HIPK3: variants seen among roughly 807,000 people sequenced by gnomAD.
HIPK3 encodes the protein homeodomain interacting protein kinase 3, also known as homeodomain-interacting protein kinase 3.
A neutral mutation model predicts 124.2 loss-of-function variants in HIPK3; 47 were observed. That is an observed-to-expected ratio of 0.38 (90% confidence interval 0.30 to 0.48). The LOEUF is 0.48. HIPK3 is among the 20% of genes least tolerant of loss of function. The pLI is 0.98. For synonymous variants in HIPK3, 482 were observed against 515.2 expected (o/e 0.94, Z 0.87); for missense variants, 1,286 against 1,454.3 (o/e 0.88, Z 1.88).
At position 33,354,194 on chromosome 11, in the gene HIPK3, C is replaced by G. The variant is rs1853753871; in HGVS notation, c.*626C>G. ...GGACTGCAGCACTTAAAATTCAGAC[C>G]TACTATTTAGTTTCCTTTTGATAGC... On this transcript the variant is annotated 3_prime_UTR_variant, in exon 17 of 17. Transcript: ENST00000303296. The G allele has an allele frequency of 6.6e-6, 1 of 152,616 alleles. No individual in the cohort carries two copies. The highest frequency in any genetic ancestry group is 1.5e-5 in the Non-Finnish European group (1 of 68,040). 9.5% of individuals were successfully genotyped at this position (152,616 alleles called of 1,614,324 possible).
chr11:33,281,058 CTTTTTTTTTTTT>C (rs56902582), intron 1 of HIPK3, among the ~76,000 whole-genome samples: 45,166 of 112,870 alleles, frequency 0.4, 8,647 homozygotes, highest in African/African-American at 0.48. Context: ...ACTTATTTGA[CTTTTTTTTTTTT>C]TTTTTTTTTT....
At chr11:33,345,381 A>G (rs944466708) in intron 8 of HIPK3, among the ~76,000 whole-genome samples, 11 of 152,146 alleles carry the variant, frequency 7.2e-5, no homozygotes, top group African/African-American at 2.7e-4. Flanking sequence ...TCTTCCAAGT[A>G]TTAAAGCAAA....
intron 1 of HIPK3, among the ~76,000 whole-genome samples, chr11:33,272,989 C>T (rs553260259): frequency 2.0e-5 from 3 of 151,016 alleles, no homozygotes; most frequent in Non-Finnish European, 4.4e-5. Context: ...TGTGTGTCAC[C>T]GTGCCTGGCT....
Position 33,348,569 on chromosome 11 carries a change from C to A in HIPK3, c.2417C>A (p.Ser806Tyr), listed in dbSNP as rs1267903048. 9 of 1,612,924 alleles carry A rather than the reference C, an allele frequency of 5.6e-6. No individual in the cohort carries two copies. Among genetic ancestry groups the A allele is most frequent in the Admixed American group, 1.7e-5 (1 of 59,980 alleles). ...AATATCCCACATTCAGCATTTATTT[C>A]TCCAAAGATAATTAATGGGAAAGAT... ...NTNIPHSAFI[S>Y]PKIINGKDVE... Residue 806 changes from serine to tyrosine, a missense_variant, in exon 13 of 17, where the codon TCT becomes TAT. Around this residue, in one of 3 missense-constraint regions of HIPK3, gnomAD observed 810 missense variants for 864.9 expected, o/e 0.94. Coordinates refer to ENST00000303296, the MANE Select transcript of HIPK3 (RefSeq NM_005734.5).
chr11:33,297,522 C>T (rs1195352099), intron 2 of HIPK3, among the ~76,000 whole-genome samples: 3 of 152,138 alleles, frequency 2.0e-5, no homozygotes, highest in Non-Finnish European at 4.4e-5. Flanking sequence ...GAGGAAGCTG[C>T]AGAAGAAAAG....
chr11:33,313,330 A>G (rs1852402961), intron 2 of HIPK3, among the ~76,000 whole-genome samples: 1 of 152,190 alleles, frequency 6.6e-6, no homozygotes, highest in Non-Finnish European at 1.5e-5. Context: ...TTGTTGTGAC[A>G]TTATTGGGAC....
In HIPK3 at chr11:33,348,524, G is replaced by A. The variant is rs1458659568; in HGVS notation, c.2372G>A (p.Ser791Asn). ...GREEINAFSW[S>N]NSLQNTNIPH... ...ATAAATTATTCCTTTGGTTGCAGGA[G>A]TAATTCATTACAGAATACCAATATC... The change falls in exon 13 of 17, where the codon AGT (serine) becomes AAT (asparagine). Residue 791 changes from serine to asparagine, a missense_variant and splice_region_variant. Around this residue, in one of 3 missense-constraint regions of HIPK3, gnomAD observed 810 missense variants for 864.9 expected, o/e 0.94. Coordinates refer to ENST00000303296, the MANE Select transcript of HIPK3 (RefSeq NM_005734.5). 1.3e-6 allele frequency: 2 copies of A among 1,598,246 alleles called. No homozygotes were observed. The highest frequency in any genetic ancestry group is 2.2e-5 in the South Asian group (2 of 90,116).
At chr11:33,301,042 A>G (rs529304505) in intron 2 of HIPK3, among the ~76,000 whole-genome samples, 8 of 152,314 alleles carry the variant, frequency 5.3e-5, no homozygotes, top group South Asian at 2.1e-4. Flanking sequence ...ATCTGTTTGT[A>G]TATTAAAATC....
chr11:33,311,850 A>ACACACACACC (rs1852348733), intron 2 of HIPK3, among the ~76,000 whole-genome samples: 1 of 148,008 alleles, frequency 6.8e-6, no homozygotes, highest in Non-Finnish European at 1.5e-5. Context: ...ACACACACAC[A>ACACACACACC]CACACACACA....
intron 1 of HIPK3, among the ~76,000 whole-genome samples, chr11:33,280,026 G>C (rs941032017): frequency 6.6e-6 from 1 of 152,154 alleles, no homozygotes; most frequent in Non-Finnish European, 1.5e-5. Context: ...GGGGAGCTGA[G>C]GGGAGGTGGG....
intron 2 of HIPK3, among the ~76,000 whole-genome samples, chr11:33,294,931 T>G (rs1353023846): frequency 6.6e-6 from 1 of 152,320 alleles, no homozygotes; most frequent in South Asian, 2.1e-4. Flanking sequence ...GTCTCATTAG[T>G]GTCCTCTAAT....
intron 2 of HIPK3, among the ~76,000 whole-genome samples, chr11:33,323,120 A>G (rs1852712929): frequency 6.6e-6 from 1 of 152,264 alleles, no homozygotes; most frequent in African/African-American, 2.4e-5. Flanking sequence ...ACAAGGGAAT[A>G]TTATTCAGCA....
chr11:33,335,101 T>C (rs1853101343), intron 3 of HIPK3, among the ~76,000 whole-genome samples: 1 of 152,146 alleles, frequency 6.6e-6, no homozygotes, highest in African/African-American at 2.4e-5. Flanking sequence ...CTATTAACCA[T>C]AGGAGGAAAA....
intron 3 of HIPK3, among the ~76,000 whole-genome samples, chr11:33,332,129 T>G (rs1853005631): frequency 6.6e-6 from 1 of 152,226 alleles, no homozygotes. Flanking sequence ...AATTCTTCAT[T>G]ATAGGGTTTG....
At chr11:33,298,283 A>C (rs1236355607) in intron 2 of HIPK3, among the ~76,000 whole-genome samples, 3 of 152,196 alleles carry the variant, frequency 2.0e-5, no homozygotes, top group African/African-American at 4.8e-5. Flanking sequence ...GGTTTACTGA[A>C]TATTTTAAGC....
chr11:33,264,459 C>G (rs1215490901), intron 1 of HIPK3, among the ~76,000 whole-genome samples: 1 of 146,236 alleles, frequency 6.8e-6, no homozygotes, highest in Non-Finnish European at 1.6e-5. Flanking sequence ...TTTTCCATTT[C>G]TAATCTAGTT....
intron 2 of HIPK3, among the ~76,000 whole-genome samples, chr11:33,324,058 C>G (rs189846309): frequency 1.2e-4 from 19 of 152,304 alleles, no homozygotes; most frequent in Non-Finnish European, 1.5e-5. Context: ...GAAGAACTTT[C>G]TGTAGGAGTA....
chr11:33,322,189 TG>T lies in HIPK3; in HGVS notation c.1098-6317del, dbSNP rs536632322. Among the ~76,000 whole-genome samples the T allele has an allele frequency of 9.3e-3, 1,413 of 152,032 alleles. 7 individuals are homozygous for T. The highest frequency in any genetic ancestry group is 0.014 in the Non-Finnish European group (960 of 67,964). On this transcript the variant is annotated intron_variant, in intron 2 of 16. Coordinates refer to ENST00000303296, the MANE Select transcript of HIPK3 (RefSeq NM_005734.5). The stretch of plus-strand genomic sequence containing the variant: ...TAATTTTTTGTATTTTTAGTAGAGA[TG>T]GGGTTTCACCGTGTTAGCCAGGATG...
At chr11:33,312,975 A>C (rs939332672) in intron 2 of HIPK3, among the ~76,000 whole-genome samples, 4 of 152,208 alleles carry the variant, frequency 2.6e-5, no homozygotes, top group Admixed American at 2.0e-4. Context: ...CTATTACTCC[A>C]AAGTCTGTAT....
Sources: gnomAD v4.1 joint callset for allele counts (sites outside exome capture counted in the v4.1 genomes callset) on GRCh38, gnomAD v4.1.1 for gene constraint, gnomAD v4.1.1 regional missense constraint, MANE v1.5 for transcripts, NCBI Gene and HGNC (gene_info 2026-07-23, HGNC 2026-07-21) for gene names.